PEBP4: variants seen among roughly 807,000 people sequenced by gnomAD.
PEBP4 encodes the protein phosphatidylethanolamine-binding protein 4.
A neutral mutation model predicts 23.9 loss-of-function variants in PEBP4; 22 were observed. That is an observed-to-expected ratio of 0.92 (90% CI 0.66 to 1.31). The LOEUF (loss-of-function observed/expected upper bound fraction) is 1.31. Ranked by LOEUF, PEBP4 falls within the 40% of genes most tolerant of loss-of-function variation. PEBP4 has a pLI of 0.00. For missense variants in PEBP4, 324 were observed against 281.7 expected, an observed-to-expected ratio of 1.15 and a Z score of -1.07; for synonymous variants, 112 against 99.3, an observed-to-expected ratio of 1.13 and a Z score of -0.76.
chr8:22,923,887 T>C (rs976872847), intron 2 of PEBP4, among the ~76,000 whole-genome samples: 29 of 152,162 alleles, frequency 1.9e-4, no homozygotes, highest in African/African-American at 6.8e-4. Context: ...CACCTTGATT[T>C]TGGCGCTTCT....
At chr8:22,887,112 G>GTGTGTGTGTGTGTGTGTGTT (rs1563249896) in intron 3 of PEBP4, 3 of 147,938 alleles carry the variant, frequency 2.0e-5, no homozygotes, top group Non-Finnish European at 4.5e-5. Flanking sequence ...GTGTGTGTGT[G>GTGTGTGTGTGTGTGTGTGTT]TGTGTATGTG....
chr8:22,917,133 G>A (rs1414254465), intron 3 of PEBP4, among the ~76,000 whole-genome samples: 4 of 151,682 alleles, frequency 2.6e-5, no homozygotes, highest in African/African-American at 7.3e-5. Flanking sequence ...GGGGGAGGGG[G>A]GGGTGTTCCC....
In PEBP4 at chr8:22,907,254, G is replaced by A. The variant is rs117587757; in HGVS notation, c.258+12930C>T. On this transcript the variant is annotated intron_variant, in intron 3 of 6. Transcript: ENST00000256404. ...CGAGCAGATCACTCCGAGGCCAGGAGTTCAAGACCAGCCTGGCCAACATGG... is the reference window on the plus strand; with the variant it reads ...CGAGCAGATCACTCCGAGGCCAGGAATTCAAGACCAGCCTGGCCAACATGG... Among the ~76,000 whole-genome samples, 530 of 152,298 alleles carry A rather than the reference G, an allele frequency of 3.5e-3. 9 individuals carry two copies. The highest frequency in any genetic ancestry group is 0.019 in the East Asian group (98 of 5,178).
At chr8:22,743,328 G>A (rs1440417749) in intron 4 of PEBP4, among the ~76,000 whole-genome samples, 1 of 152,224 alleles carries the variant, frequency 6.6e-6, no homozygotes, top group African/African-American at 2.4e-5. Flanking sequence ...AGTTTCTACT[G>A]TAATAAAGAA....
chr8:22,719,478 G>A (rs1804478421), intron 6 of PEBP4, among the ~76,000 whole-genome samples: 3 of 151,904 alleles, frequency 2.0e-5, no homozygotes, highest in South Asian at 2.1e-4. Flanking sequence ...CAGGGAGGGG[G>A]TGTGTGCGTG....
At chr8:22,732,386 A>G (rs1804756434) in intron 4 of PEBP4, among the ~76,000 whole-genome samples, 1 of 152,008 alleles carries the variant, frequency 6.6e-6, no homozygotes. Flanking sequence ...GGGGAACAAC[A>G]CACACAACTG....
At chr8:22,785,249 A>T (rs1415085769) in intron 4 of PEBP4, among the ~76,000 whole-genome samples, 1 of 152,148 alleles carries the variant, frequency 6.6e-6, no homozygotes, top group Non-Finnish European at 1.5e-5. Flanking sequence ...TGGAGGAAAA[A>T]AGCCGTTGGC....
At chr8:22,791,990 G>A (rs1291917221) in intron 4 of PEBP4, among the ~76,000 whole-genome samples, 2 of 151,746 alleles carry the variant, frequency 1.3e-5, no homozygotes, top group African/African-American at 4.8e-5. Context: ...TAGAGTAGCT[G>A]GGACTACAGG....
intron 4 of PEBP4, among the ~76,000 whole-genome samples, chr8:22,802,445 C>A (rs564289520): frequency 1.3e-3 from 195 of 152,376 alleles, no homozygotes; most frequent in Non-Finnish European, 2.4e-3. Flanking sequence ...CTGACTCCTT[C>A]TCCTAAAATG....
At chr8:22,889,403 C>G (rs1405762934) in intron 3 of PEBP4, among the ~76,000 whole-genome samples, 3 of 152,142 alleles carry the variant, frequency 2.0e-5, no homozygotes, top group African/African-American at 4.8e-5. Context: ...TGGGGAGAGA[C>G]CCCAGTCCCC....
chr8:22,872,899 A>G (rs1238847854), intron 3 of PEBP4, among the ~76,000 whole-genome samples: 2 of 151,848 alleles, frequency 1.3e-5, no homozygotes, highest in Admixed American at 6.6e-5. Context: ...CTGGTCTCGA[A>G]CTCCTGATGT....
chr8:22,724,292 G>GAGGCT (rs1804580002), intron 6 of PEBP4, among the ~76,000 whole-genome samples: 1 of 152,144 alleles, frequency 6.6e-6, no homozygotes, highest in African/African-American at 2.4e-5. Context: ...TCGCCATTAG[G>GAGGCT]AGGCTATAGG....
At chr8:22,734,421 A>T (rs1585242225) in intron 4 of PEBP4, among the ~76,000 whole-genome samples, 1 of 152,228 alleles carries the variant, frequency 6.6e-6, no homozygotes, top group Non-Finnish European at 1.5e-5. Flanking sequence ...GAGTACTTCT[A>T]GACTCCAGGG....
intron 6 of PEBP4, among the ~76,000 whole-genome samples, chr8:22,718,615 G>A (rs747404508): frequency 9.9e-5 from 15 of 152,158 alleles, no homozygotes; most frequent in Non-Finnish European, 1.8e-4. Context: ...CTACCCGCTC[G>A]GCCAGGTGGG....
rs189984837 is a variant in PEBP4, at chr8:22,860,170, A to G, written c.259-42435T>C. On this transcript the variant is annotated intron_variant, in intron 3 of 6. Transcript: ENST00000256404. ...AAATTATATATACACATATATATGT[A>G]TATATATATACACATATATATGTAT... is the stretch of plus-strand genomic sequence containing the variant. Among the ~76,000 whole-genome samples the G allele has an allele frequency of 6.4e-3, 641 of 99,780 alleles. 16 individuals carry two copies. Among genetic ancestry groups the G allele is most frequent in the African/African-American group, 0.022 (604 of 27,456 alleles). The allele number at this position is 99,780 out of a possible 152,430, so 65.5% of individuals were successfully genotyped here. A position where few individuals can be genotyped will look rare whatever the true frequency, so the allele number is the denominator to read the frequency against.
intron 6 of PEBP4, among the ~76,000 whole-genome samples, chr8:22,713,856 G>T (rs771705994): frequency 6.6e-6 from 1 of 151,262 alleles, no homozygotes; most frequent in African/African-American, 2.4e-5. Flanking sequence ...TCCCGCTCCC[G>T]GGCAGAAAGG....
At chr8:22,766,210 G>A (rs1334183551) in intron 4 of PEBP4, among the ~76,000 whole-genome samples, 1 of 152,252 alleles carries the variant, frequency 6.6e-6, no homozygotes, top group Admixed American at 6.5e-5. Context: ...TGTGGAGGAT[G>A]TGTGCTTCAG....
chr8:22,834,278 G>T (rs920311572), intron 3 of PEBP4, among the ~76,000 whole-genome samples: 3 of 152,240 alleles, frequency 2.0e-5, no homozygotes, highest in African/African-American at 4.8e-5. Flanking sequence ...CCTGGGGGAG[G>T]TTGAGTGTAA....
chr8:22,787,015 G>T (rs1246238530), intron 4 of PEBP4, among the ~76,000 whole-genome samples: 1 of 152,126 alleles, frequency 6.6e-6, no homozygotes, highest in African/African-American at 2.4e-5. Context: ...TAGAGACAGG[G>T]TCTCTCTGTG....
Sources: allele counts gnomAD v4.1 joint callset (sites outside exome capture counted in the v4.1 genomes callset), GRCh38; gene constraint gnomAD v4.1.1; transcripts MANE v1.5; gene names NCBI Gene and HGNC (gene_info 2026-07-23, HGNC 2026-07-21).